CFAP74: variants seen among roughly 807,000 people sequenced by gnomAD.
CFAP74 encodes cilia- and flagella-associated protein 74.
A neutral mutation model predicts 188.9 loss-of-function variants in CFAP74; 124 were observed. That is an observed-to-expected ratio of 0.66 (90% CI 0.57 to 0.76). The LOEUF is 0.76. CFAP74 is among the 30% of genes least tolerant of loss of function. The probability of loss-of-function intolerance (pLI) is 0.00; values close to 1 mark genes in which losing one functional copy is unlikely to be tolerated. For synonymous variants in CFAP74, 956 were observed against 916.7 expected (o/e 1.04, Z -0.77); for missense variants, 2,198 against 2,165.2 (o/e 1.02, Z -0.30).
In CFAP74 at chr1:1,980,774, G is replaced by A. The variant is rs566713180; in HGVS notation, c.500+4612C>T. 2.0e-5 allele frequency among the ~76,000 whole-genome samples: 3 copies of A among 152,282 alleles called. No individual in the cohort carries two copies. In the East Asian group the frequency reaches 5.8e-4, roughly 29 times the overall value. ...CTGTTCATGCCTGAAGCCCCTCCAC[G>A]GGGTCTCTCTCGGGCTGGCCTGAAC... is the stretch of plus-strand genomic sequence containing the variant. On this transcript the variant is annotated intron_variant, in intron 6 of 38. Transcript: ENST00000682832.
chr1:1,965,185 C>G (rs1655385660), intron 12 of CFAP74, 124 bp from the exon 13 acceptor site: 19 of 954,660 alleles, frequency 2.0e-5, no homozygotes, highest in Non-Finnish European at 2.7e-5. Context: ...CGGCTGCCAC[C>G]AGCGCTGGAG....
chr1:1,958,116 G>A (rs997142434), intron 16 of CFAP74, among the ~76,000 whole-genome samples: 2 of 152,208 alleles, frequency 1.3e-5, no homozygotes, highest in Non-Finnish European at 2.9e-5. Flanking sequence ...GGCGACACGC[G>A]GTGAAGGAGG....
intron 1 of CFAP74, among the ~76,000 whole-genome samples, chr1:2,000,252 C>T (rs1658142981): frequency 6.6e-6 from 1 of 152,236 alleles, no homozygotes; most frequent in Non-Finnish European, 1.5e-5. Flanking sequence ...TAAGGAATAT[C>T]CATGAATGGA....
At chr1:1,960,893 AG>A (rs1303142107) in intron 14 of CFAP74, among the ~76,000 whole-genome samples, 2 of 152,220 alleles carry the variant, frequency 1.3e-5, no homozygotes, top group Admixed American at 6.5e-5. Flanking sequence ...AGATGACAGA[AG>A]CGTGGAGTGG....
In CFAP74 at chr1:1,973,758, G is replaced by C. The variant is rs1223310572; in HGVS notation, c.674+267C>G. Among the ~76,000 whole-genome samples the C allele has an allele frequency of 6.6e-6, 1 of 152,098 alleles. No individual in the cohort carries two copies. The highest frequency in any genetic ancestry group is 1.5e-5 in the Non-Finnish European group (1 of 68,008). On this transcript the variant is annotated intron_variant, in intron 7 of 38. Transcript: ENST00000682832. The surrounding 1 kb of genome is among the most constrained non-coding windows in gnomAD (Gnocchi z 6.2). ...GGAGGGGCAGTCTTGCTGGAGCGTG[G>C]CTTTAGTAGCCAGCTTTAGCGGCTG...
chr1:1,931,205 GGATCACGAGGTCAGGAGATCGA>G (rs1652340129), intron 25 of CFAP74, among the ~76,000 whole-genome samples: 2 of 152,050 alleles, frequency 1.3e-5, no homozygotes, highest in South Asian at 4.1e-4. Flanking sequence ...CGAGGAGGGC[GGATCACGAGGTCAGGAGATCGA>G]GACCATCCCG....
chr1:1,952,143 G>A (rs1654239179), intron 18 of CFAP74, among the ~76,000 whole-genome samples: 2 of 152,076 alleles, frequency 1.3e-5, no homozygotes, highest in African/African-American at 4.8e-5. Flanking sequence ...AGTAGAGATG[G>A]GGTTTCACCT....
intron 26 of CFAP74, 30 bp from the exon 27 acceptor site, chr1:1,928,912 T>G (rs1303475413): frequency 7.5e-6 from 11 of 1,472,834 alleles, no homozygotes; most frequent in Non-Finnish European, 1.0e-5. Flanking sequence ...GGCACAGGGG[T>G]TGCCACTTCC....
chr1:1,926,652 C>G lies in CFAP74; in HGVS notation c.3772G>C (p.Gly1258Arg). The G allele has an allele frequency of 6.5e-7, 1 of 1,549,814 alleles. No homozygotes were observed. The highest frequency in any genetic ancestry group is 8.7e-7 in the Non-Finnish European group (1 of 1,146,550). Residue 1258 changes from glycine (G) to arginine (R), a missense_variant and splice_region_variant, in exon 30 of 39, where the codon GGG becomes CGG. Gly to Arg is a moderately radical substitution (Grantham distance 125). Coordinates refer to ENST00000682832, the MANE Select transcript of CFAP74 (RefSeq NM_001304360.2). Reference protein sequence around the residue: ...TIFNFGDVAVGHRSIKKISIQ... With the variant: ...TIFNFGDVAVRHRSIKKISIQ... ...GTGTGGGCGGGGCTTAGCGTCTCAC[C>G]CACAGCGACGTCGCCGAAGTTAAAG...
At chr1:1,978,918 G>A (rs549560065) in intron 6 of CFAP74, among the ~76,000 whole-genome samples, 1 of 152,332 alleles carries the variant, frequency 6.6e-6, no homozygotes, top group South Asian at 2.1e-4. Context: ...GCTGGGCGTG[G>A]GAAGGCATCA....
In CFAP74 at chr1:1,947,579, T is replaced by G. The variant is rs1317412345; in HGVS notation, c.2177-525A>C. ...CAAGGCCCCGGGTAGCAGAGCTGTT[T>G]CCTTGCAAGTCTGAGCAGGACTTTT... On this transcript the variant is annotated intron_variant, in intron 18 of 38. Transcript: ENST00000682832. Among the ~76,000 whole-genome samples the G allele has an allele frequency of 3.9e-5, 6 of 152,334 alleles. No homozygotes were observed. The East Asian group carries it at 1.2e-3, about 29-fold the overall frequency.
intron 6 of CFAP74, chr1:1,984,296 A>C (rs1159618332): frequency 2.7e-5 from 4 of 147,756 alleles, no homozygotes; most frequent in African/African-American, 1.0e-4. Context: ...GCCCAGCCCA[A>C]AAACTTTTTT....
At chr1:1,922,817 C>T in intron 37 of CFAP74, 94 bp from the exon 38 acceptor site, 1 of 1,505,130 alleles carries the variant, frequency 6.6e-7, no homozygotes, top group Non-Finnish European at 8.9e-7. Flanking sequence ...CACTCACCCT[C>T]CCAGCTCTGA....
rs567307518 is a variant in CFAP74, at chr1:1,938,051, C to A, written c.3011+804G>T. On this transcript the variant is annotated intron_variant, in intron 25 of 38. Transcript: ENST00000682832. ...TCACATGCTCACACATACATGCACTCACACTCAACCTTACACACCCAACAC... is the reference window on the plus strand; with the variant it reads ...TCACATGCTCACACATACATGCACTAACACTCAACCTTACACACCCAACAC... Among the ~76,000 whole-genome samples the A allele has an allele frequency of 1.5e-3, 154 of 103,762 alleles. 1 individual carries two copies. Among genetic ancestry groups the A allele is most frequent in the African/African-American group, 5.0e-3 (148 of 29,674 alleles). 68.1% of individuals were successfully genotyped at this position (103,762 alleles called of 152,430 possible). A position where few individuals can be genotyped will look rare whatever the true frequency, so the allele number is the denominator to read the frequency against.
chr1:1,928,005 G>C (rs1652053478), intron 27 of CFAP74: 2 of 506,034 alleles, frequency 4.0e-6, no homozygotes, highest in African/African-American at 3.9e-5. Context: ...GAGGCGGCCA[G>C]AACCGGGGTC....
rs970178683 is a variant in CFAP74, at chr1:1,974,054, C to T, written c.645G>A (p.Lys215=). 8.1e-6 allele frequency: 13 copies of T among 1,598,052 alleles called. No individual in the cohort carries two copies. Among genetic ancestry groups the T allele is most frequent in the African/African-American group, 1.3e-5 (1 of 74,528 alleles). The stretch of plus-strand genomic sequence containing the variant: ...TCCTCAGCAGTCGGTTCCGCTCCAC[C>T]TTCCCCAGGGCCTCCTGCTCTCTGC... ...QLCREQEALG[K]VERNRLLRIR... The change falls in exon 7 of 39, where the codon AAG becomes AAA. Residue 215 remains lysine, a synonymous_variant. Transcript: ENST00000682832.
chr1:1,938,320 C>T (rs1037034726), intron 25 of CFAP74, among the ~76,000 whole-genome samples: 4 of 124,366 alleles, frequency 3.2e-5, no homozygotes, highest in Admixed American at 2.7e-4. Context: ...TACATGCACT[C>T]ACACACAAGG....
intron 25 of CFAP74, among the ~76,000 whole-genome samples, chr1:1,936,045 C>T (rs1374729490): frequency 6.6e-6 from 1 of 151,148 alleles, no homozygotes; most frequent in Non-Finnish European, 1.5e-5. Context: ...TGGAGAAACC[C>T]TGTCACTACT....
intron 33 of CFAP74, among the ~76,000 whole-genome samples, chr1:1,925,182 G>A (rs547904355): frequency 4.0e-5 from 6 of 149,968 alleles, no homozygotes; most frequent in Non-Finnish European, 7.4e-5. Context: ...AGGGCAGGGC[G>A]AAGGCATGAG....
Sources: allele counts gnomAD v4.1 joint callset (sites outside exome capture counted in the v4.1 genomes callset), GRCh38; gene constraint gnomAD v4.1.1; non-coding constraint Gnocchi (gnomAD v3.1); transcripts MANE v1.5; gene names NCBI Gene and HGNC (gene_info 2026-07-23, HGNC 2026-07-21).